Variants in PARN observed in about 807,000 individuals in gnomAD.
The protein encoded by PARN is poly(A)-specific ribonuclease.
In PARN, 71 loss-of-function variants were observed where a neutral mutation model predicts 102.8. The observed-to-expected ratio is 0.69, with a 90% CI of 0.57 to 0.84. The LOEUF is 0.84. Ranked by LOEUF, PARN falls within the 40% of genes least tolerant of loss-of-function variation. The pLI is 0.00. For missense variants in PARN, 782 were observed against 760.9 expected, an observed-to-expected ratio of 1.03 and a Z score of -0.33; for synonymous variants, 261 against 252.9, an observed-to-expected ratio of 1.03 and a Z score of -0.30.
intron 22 of PARN, among the ~76,000 whole-genome samples, chr16:14,472,532 C>G (rs1409367914): frequency 1.3e-5 from 2 of 152,172 alleles, no homozygotes; most frequent in Non-Finnish European, 2.9e-5. Context: ...GCCAACTAGA[C>G]CTAGCCAAAA....
At chr16:14,622,749 G>A (rs1399844324) in intron 5 of PARN, among the ~76,000 whole-genome samples, 5 of 152,134 alleles carry the variant, frequency 3.3e-5, no homozygotes, top group Non-Finnish European at 5.9e-5. Context: ...CTCGTGATCC[G>A]CCCGACTTGG....
At position 14,436,701 on chromosome 16, in the gene PARN, T is replaced by C. The variant is rs1343853587; in HGVS notation, c.*16A>G. On this transcript the variant is annotated 3_prime_UTR_variant, in exon 24 of 24. Coordinates refer to ENST00000437198, the MANE Select transcript of PARN (RefSeq NM_002582.4). Reference sequence around the variant, plus strand: ...CACAGCGACAGCACCAGCGGTTTGCTGCCCTCAGGTCTTGGTTACCATGTG... The same window carrying C: ...CACAGCGACAGCACCAGCGGTTTGCCGCCCTCAGGTCTTGGTTACCATGTG... 6.3e-7 allele frequency: 1 copy of C among 1,588,264 alleles called. No homozygotes were observed. The highest frequency in any genetic ancestry group is 8.6e-7 in the Non-Finnish European group (1 of 1,164,260).
intron 21 of PARN, among the ~76,000 whole-genome samples, chr16:14,546,924 C>T (rs935380047): frequency 1.3e-5 from 2 of 151,900 alleles, no homozygotes; most frequent in African/African-American, 2.4e-5. Flanking sequence ...GAACCCTCGT[C>T]TCTACTAAAA....
At chr16:14,479,050 G>A (rs572409706) in intron 22 of PARN, among the ~76,000 whole-genome samples, 28 of 152,204 alleles carry the variant, frequency 1.8e-4, no homozygotes, top group African/African-American at 6.3e-4. Context: ...GATTATAGGC[G>A]GGAGCCACTA....
At chr16:14,560,546 T>A (rs1967991076) in intron 18 of PARN, among the ~76,000 whole-genome samples, 2 of 152,238 alleles carry the variant, frequency 1.3e-5, no homozygotes, top group South Asian at 4.1e-4. Flanking sequence ...ACAGTGTAAC[T>A]CAAGTTCACA....
intron 21 of PARN, among the ~76,000 whole-genome samples, chr16:14,508,236 G>C (rs919148424): frequency 6.6e-6 from 1 of 151,980 alleles, no homozygotes; most frequent in Non-Finnish European, 1.5e-5. Context: ...AGATAAGACA[G>C]ACAAATAGGC....
At chr16:14,480,942 A>T (rs1340887182) in intron 22 of PARN, among the ~76,000 whole-genome samples, 2 of 151,332 alleles carry the variant, frequency 1.3e-5, no homozygotes, top group Non-Finnish European at 2.9e-5. Context: ...TGCCTCAAAA[A>T]ATAAATAAAT....
intron 12 of PARN, among the ~76,000 whole-genome samples, chr16:14,594,435 C>T (rs778008460): frequency 5.3e-5 from 8 of 152,104 alleles, no homozygotes; most frequent in Non-Finnish European, 1.0e-4. Context: ...CATCAGGGGC[C>T]GGGCGTGGTG....
In PARN at chr16:14,579,256, C is replaced by T. The variant is rs1005350063; in HGVS notation, c.1262+1618G>A. On this transcript the variant is annotated intron_variant, in intron 18 of 23. Coordinates refer to ENST00000437198, the MANE Select transcript of PARN (RefSeq NM_002582.4). ...GTGCTGGGATTACAGGCGTAAGCCA[C>T]TATACCCAGCCCAGCTAAGCTTTTT... Among the ~76,000 whole-genome samples the T allele has an allele frequency of 2.0e-5, 3 of 152,224 alleles. No individual in the cohort carries two copies. The South Asian group carries it at 6.2e-4, about 32-fold the overall frequency.
chr16:14,627,225 G>A, intron 4 of PARN, 38 bp from the exon 5 acceptor site: 1 of 1,568,890 alleles, frequency 6.4e-7, no homozygotes. Context: ...AGGTGACATT[G>A]TGCCACAAAA....
intron 21 of PARN, among the ~76,000 whole-genome samples, chr16:14,489,896 T>C (rs1023801652): frequency 2.0e-5 from 3 of 152,236 alleles, no homozygotes; most frequent in African/African-American, 2.4e-5. Context: ...GGGCTGGACA[T>C]GGTGGCTCAT....
chr16:14,501,293 ACAATAAT>A (rs1964575789), intron 21 of PARN, among the ~76,000 whole-genome samples: 1 of 131,900 alleles, frequency 7.6e-6, no homozygotes, highest in African/African-American at 2.9e-5. Context: ...AAACAAAAAA[ACAATAAT>A]AATAATAATA....
chr16:14,611,348 G>A (rs979494843), intron 6 of PARN, among the ~76,000 whole-genome samples: 1 of 152,158 alleles, frequency 6.6e-6, no homozygotes, highest in Non-Finnish European at 1.5e-5. Context: ...GGCCCTCACA[G>A]GCCAGTGTAA....
In PARN at chr16:14,628,216, T is replaced by G. The variant is rs748359090; in HGVS notation, c.133A>C (p.Asn45His). ...SDGPSVSALT[N>H]GFDTPEERYQ... ...CTCTCTTCTGGAGTGTCAAAACCAT[T>G]TGTTAATGCAGAGACTGAAGGTCCA... The change falls in exon 3 of 24, where the codon AAT becomes CAT. Residue 45 changes from asparagine to histidine, a missense_variant. By Grantham distance (68) the Asn-to-His change is moderately conservative. Transcript: ENST00000437198. The G allele has an allele frequency of 1.9e-6, 3 of 1,607,448 alleles. No individual in the cohort carries two copies. Among genetic ancestry groups the G allele is most frequent in the Non-Finnish European group, 1.7e-6 (2 of 1,174,656 alleles).
chr16:14,496,271 G>A (rs980390085), intron 21 of PARN, among the ~76,000 whole-genome samples: 7 of 152,068 alleles, frequency 4.6e-5, no homozygotes, highest in African/African-American at 1.4e-4. Flanking sequence ...AAGCCTCTGC[G>A]CTCACACCCA....
chr16:14,553,740 C>T (rs1481888111), intron 20 of PARN, among the ~76,000 whole-genome samples: 1 of 152,230 alleles, frequency 6.6e-6, no homozygotes, highest in African/African-American at 2.4e-5. Flanking sequence ...TTATGAAACA[C>T]ACAAACCCTG....
intron 21 of PARN, among the ~76,000 whole-genome samples, chr16:14,485,407 C>T (rs1292735382): frequency 6.6e-5 from 10 of 152,128 alleles, no homozygotes; most frequent in Admixed American, 3.3e-4. Flanking sequence ...TGTTTTTGTC[C>T]CAGGAACTAT....
chr16:14,617,036 T>C (rs1971947766), intron 6 of PARN, among the ~76,000 whole-genome samples: 1 of 151,384 alleles, frequency 6.6e-6, no homozygotes, highest in South Asian at 2.1e-4. Flanking sequence ...TAGTATCTAT[T>C]CTGTTTAGCT....
chr16:14,452,643 A>G (rs911216724), intron 22 of PARN, among the ~76,000 whole-genome samples: 3 of 152,168 alleles, frequency 2.0e-5, no homozygotes, highest in African/African-American at 4.8e-5. Flanking sequence ...ACCCTACAGC[A>G]TATTTCTTAA....
Sources: gnomAD v4.1 joint callset for allele counts (sites outside exome capture counted in the v4.1 genomes callset) on GRCh38, gnomAD v4.1.1 for gene constraint, MANE v1.5 for transcripts, NCBI Gene and HGNC (gene_info 2026-07-23, HGNC 2026-07-21) for gene names.